SCGB2A2: variants seen among roughly 807,000 people sequenced by gnomAD.
The protein encoded by SCGB2A2 is mammaglobin-A.
Under a neutral mutation model 8.8 loss-of-function variants are expected in SCGB2A2, and 11 were observed. That is an observed-to-expected ratio of 1.25 (90% CI 0.79 to 2.07). The LOEUF is 2.07. Among genes scored for constraint, SCGB2A2 ranks in the 30% most tolerant of loss-of-function variants. The pLI, the probability that SCGB2A2 is intolerant of heterozygous loss-of-function variation, is 0.00. For missense variants in SCGB2A2, 113 were observed against 109.9 expected (o/e 1.03, Z -0.13); for synonymous variants, 42 against 40.9 (o/e 1.03, Z -0.10).
At chr11:62,271,981 T>C in intron 2 of SCGB2A2, 1 of 895,704 alleles carries the variant, frequency 1.1e-6, no homozygotes, top group Non-Finnish European at 1.3e-6. Context: ...ACATGTATAT[T>C]GTTGAGGGTT....
intron 2 of SCGB2A2, chr11:62,271,903 A>G (rs1284771927): frequency 2.0e-6 from 2 of 983,378 alleles, no homozygotes; most frequent in South Asian, 9.4e-5. Context: ...GATCATGGGT[A>G]TGAAACCACC....
At chr11:62,272,812 A>G (rs1023780091) in intron 2 of SCGB2A2, 145 bp from the exon 3 acceptor site, 62 of 506,834 alleles carry the variant, frequency 1.2e-4, no homozygotes, top group Non-Finnish European at 1.8e-4. Flanking sequence ...CAGAAACAAC[A>G]GCTCTTCTAC....
intron 1 of SCGB2A2, 126 bp downstream of exon 1, chr11:62,270,397 A>G (rs1945267840): frequency 1.2e-6 from 1 of 867,048 alleles, no homozygotes; most frequent in South Asian, 1.5e-5. Flanking sequence ...GGTATAACAG[A>G]TCTCACCATG....
chr11:62,272,715 A>G (rs982570854), intron 2 of SCGB2A2, among the ~76,000 whole-genome samples: 2 of 141,552 alleles, frequency 1.4e-5, no homozygotes, highest in African/African-American at 5.2e-5. Context: ...TAGGTAATAT[A>G]GTCACGTATT....
At chr11:62,271,148 C>T (rs1386793093) in intron 2 of SCGB2A2, 80 bp downstream of exon 2, 12 of 1,609,480 alleles carry the variant, frequency 7.5e-6, no homozygotes, top group South Asian at 1.1e-5. Context: ...ACTGACAATG[C>T]CAAAGCCACT....
At position 62,270,215 on chromosome 11, in the gene SCGB2A2, C is replaced by A. The variant is rs780846724; in HGVS notation, c.-2C>A. On this transcript the variant is annotated 5_prime_UTR_variant, in exon 1 of 3. Coordinates refer to ENST00000227918, the MANE Select transcript of SCGB2A2 (RefSeq NM_002411.4). ...CTGAACACCGACAGCAGCAGCCTCA[C>A]CATGAAGTTGCTGATGGTCCTCATG... is the stretch of plus-strand genomic sequence containing the variant. The A allele has an allele frequency of 3.7e-5, 59 of 1,613,816 alleles. No homozygotes were observed. The African/African-American group carries it at 7.2e-4, about 20-fold the overall frequency.
At position 62,271,335 on chromosome 11, in the gene SCGB2A2, T is replaced by A; in HGVS notation, c.243+267T>A. On this transcript the variant is annotated intron_variant, in intron 2 of 2. Coordinates refer to ENST00000227918, the MANE Select transcript of SCGB2A2 (RefSeq NM_002411.4). ...GAAAGGTCGGTAGAAGTCTTACCTA[T>A]CCCCAGAGCTCTCTAATTCATGCTC... 2.1e-6 allele frequency: 3 copies of A among 1,438,974 alleles called. No individual in the cohort carries two copies. In the East Asian group the frequency reaches 7.5e-5, roughly 36 times the overall value. The allele number at this position is 1,438,974 out of a possible 1,614,324, so 89.1% of individuals were successfully genotyped here.
chr11:62,272,830 C>A, intron 2 of SCGB2A2, 127 bp from the exon 3 acceptor site: 1 of 578,168 alleles, frequency 1.7e-6, no homozygotes, highest in Non-Finnish European at 3.0e-6. Context: ...TACTTCCAGC[C>A]CTAACCGTCT....
chr11:62,272,568 T>C (rs547975483), intron 2 of SCGB2A2, among the ~76,000 whole-genome samples: 54 of 150,294 alleles, frequency 3.6e-4, no homozygotes, highest in Admixed American at 3.1e-3. Context: ...AGCACAATGG[T>C]GGTGGCAGAG....
intron 1 of SCGB2A2, among the ~76,000 whole-genome samples, chr11:62,270,611 C>T (rs958084887): frequency 2.0e-4 from 30 of 152,072 alleles, no homozygotes; most frequent in Admixed American, 1.9e-3. Flanking sequence ...CTTCCAAGTC[C>T]GAGTGTTTCA....
Position 62,270,945 on chromosome 11 carries a change from T to G in SCGB2A2, c.120T>G (p.Thr40=). 1 of 1,614,184 alleles carries G rather than the reference T, an allele frequency of 6.2e-7. No homozygotes were observed. Among genetic ancestry groups the G allele is most frequent in the East Asian group, 2.2e-5 (1 of 44,878 alleles). Residue 40 remains threonine (T), a synonymous_variant, in exon 2 of 3, where the codon ACT becomes ACG. Transcript: ENST00000227918. ...CAATCAATCCACAAGTGTCTAAGAC[T>G]GAATACAAAGAACTTCTTCAAGAGT... ...SKTINPQVSK[T]EYKELLQEFI...
In SCGB2A2 at chr11:62,270,197, C is replaced by T. The variant is rs1945265492; in HGVS notation, c.-20C>T. 1.9e-6 allele frequency: 3 copies of T among 1,613,702 alleles called. No homozygotes were observed. The highest frequency in any genetic ancestry group is 2.2e-5 in the East Asian group (1 of 44,860). Reference sequence around the variant, plus strand: ...GATCCTTGCCACCCGCGACTGAACACCGACAGCAGCAGCCTCACCATGAAG... The same window carrying T: ...GATCCTTGCCACCCGCGACTGAACATCGACAGCAGCAGCCTCACCATGAAG... On this transcript the variant is annotated 5_prime_UTR_variant, in exon 1 of 3. Transcript: ENST00000227918.
chr11:62,270,992 C>A lies in SCGB2A2; in HGVS notation c.167C>A (p.Thr56Lys). The part of the protein sequence containing the change: ...LQEFIDDNAT[T>K]NAIDELKECF... ...GAGTTCATAGACGACAATGCCACTA[C>A]AAATGCCATAGATGAATTGAAGGAA... The change falls in exon 2 of 3, where the codon ACA (threonine) becomes AAA (lysine). Residue 56 changes from threonine to lysine, a missense_variant. Physicochemically the swap from Thr to Lys is moderately conservative, Grantham distance 78 (BLOSUM62 -1). Transcript: ENST00000227918. 1 of 1,614,094 alleles carries A rather than the reference C, an allele frequency of 6.2e-7. No homozygotes were observed. Among genetic ancestry groups the A allele is most frequent in the South Asian group, 1.1e-5 (1 of 91,086 alleles).
At chr11:62,272,058 A>AAAAAAAAAC (rs1489760745) in intron 2 of SCGB2A2, 1 of 793,940 alleles carries the variant, frequency 1.3e-6, no homozygotes, top group African/African-American at 1.9e-5. Flanking sequence ...AAAAAAAAAA[A>AAAAAAAAAC]AAAAAGTTAG....
chr11:62,271,943 C>G, intron 2 of SCGB2A2: 1 of 944,168 alleles, frequency 1.1e-6, no homozygotes, highest in Non-Finnish European at 1.3e-6. Flanking sequence ...AAACAAAAAC[C>G]AATAGTTTTG....
intron 2 of SCGB2A2, chr11:62,271,820 A>G: frequency 5.1e-6 from 5 of 984,850 alleles, no homozygotes; most frequent in Non-Finnish European, 6.0e-6. Flanking sequence ...AGAATTTAAA[A>G]TGCACTTCCA....
chr11:62,271,024 C>T lies in SCGB2A2; in HGVS notation c.199C>T (p.Leu67Phe). ...CATAGATGAATTGAAGGAATGTTTTCTTAACCAAACGGATGAAACTCTGAG... is the reference window on the plus strand; with the variant it reads ...CATAGATGAATTGAAGGAATGTTTTTTTAACCAAACGGATGAAACTCTGAG... ...NAIDELKECFLNQTDETLSNV... is the reference protein window; with the variant it reads ...NAIDELKECFFNQTDETLSNV... Residue 67 changes from leucine (L) to phenylalanine (F), a missense_variant, in exon 2 of 3, where the codon CTT (leucine) becomes TTT (phenylalanine). Transcript: ENST00000227918. 1 of 1,614,218 alleles carries T rather than the reference C, an allele frequency of 6.2e-7. No individual in the cohort carries two copies. Among genetic ancestry groups the T allele is most frequent in the Non-Finnish European group, 8.5e-7 (1 of 1,180,028 alleles).
intron 2 of SCGB2A2, among the ~76,000 whole-genome samples, chr11:62,272,647 C>CTTTTTTTTT (rs71886885): frequency 4.2e-4 from 40 of 94,390 alleles, no homozygotes; most frequent in Non-Finnish European, 6.1e-4. Flanking sequence ...CAAAGTTTCA[C>CTTTTTTTTT]TTTTTTTTTT....
At chr11:62,270,857 T>C in intron 1 of SCGB2A2, 24 bp from the exon 2 acceptor site, 1 of 1,605,488 alleles carries the variant, frequency 6.2e-7, no homozygotes, top group South Asian at 1.1e-5. Context: ...GTACCAAGCT[T>C]GTTTCCTTGT....
Sources: allele counts gnomAD v4.1 joint callset (sites outside exome capture counted in the v4.1 genomes callset), GRCh38; gene constraint gnomAD v4.1.1; transcripts MANE v1.5; gene names NCBI Gene and HGNC (gene_info 2026-07-23, HGNC 2026-07-21).